The following ABHD12 variants were observed in gnomAD, a reference collection of about 807,000 sequenced individuals.
ABHD12 encodes the protein lysophosphatidylserine lipase ABHD12.
A neutral mutation model predicts 58.3 loss-of-function variants in ABHD12; 43 were observed. The observed-to-expected ratio is 0.74, with a 90% CI of 0.58 to 0.95. The LOEUF (loss-of-function observed/expected upper bound fraction) is 0.95. Ranked by LOEUF, ABHD12 falls within the 40% of genes least tolerant of loss-of-function variation. The pLI is 0.00. For synonymous variants in ABHD12, 219 were observed against 211.2 expected, an observed-to-expected ratio of 1.04 and a Z score of -0.32; for missense variants, 539 against 537.2, an observed-to-expected ratio of 1.00 and a Z score of -0.03.
chr20:25,295,342 G>T (rs2088524781), downstream of ABHD12, among the ~76,000 whole-genome samples: 1 of 152,264 alleles, frequency 6.6e-6, no homozygotes, highest in African/African-American at 2.4e-5. Context: ...CGTTTTAAAT[G>T]CCAGTTTATT....
At chr20:25,360,229 T>C (rs2089727525) in intron 1 of ABHD12, among the ~76,000 whole-genome samples, 1 of 71,340 alleles carries the variant, frequency 1.4e-5, no homozygotes, top group East Asian at 4.7e-4. Context: ...ACACGTTACT[T>C]TTTTTTTTTT....
At position 25,300,350 on chromosome 20, in the gene ABHD12, G is replaced by A. The variant is rs2088612496; in HGVS notation, c.*495C>T. On this transcript the variant is annotated 3_prime_UTR_variant, in exon 13 of 13. Coordinates refer to ENST00000339157, the MANE Select transcript of ABHD12 (RefSeq NM_001042472.3). ...AGTGGGCCAGCCCAGGGGAGGTGGG[G>A]CAGCTGAGAAAGGCAAGCAGGTACA... 9.5e-7 allele frequency: 1 copy of A among 1,053,500 alleles called. No homozygotes were observed. Among genetic ancestry groups the A allele is most frequent in the African/African-American group, 1.7e-5 (1 of 60,152 alleles). The allele number at this position is 1,053,500 out of a possible 1,614,324, so 65.3% of individuals were successfully genotyped here. A position where few individuals can be genotyped will look rare whatever the true frequency, so the allele number is the denominator to read the frequency against.
chr20:25,378,472 G>C (rs767962719), intron 1 of ABHD12, among the ~76,000 whole-genome samples: 32 of 152,160 alleles, frequency 2.1e-4, no homozygotes, highest in Admixed American at 3.3e-4. Context: ...AGTGGCAAAG[G>C]TCAAGGATGA....
chr20:25,352,620 T>G (rs1185095035), intron 1 of ABHD12, among the ~76,000 whole-genome samples: 1 of 152,196 alleles, frequency 6.6e-6, no homozygotes, highest in Non-Finnish European at 1.5e-5. Flanking sequence ...AGTGATAGGC[T>G]AAATGAAGGG....
At chr20:25,368,597 G>C in intron 1 of ABHD12, 1 of 1,395,698 alleles carries the variant, frequency 7.2e-7, no homozygotes, top group Non-Finnish European at 1.0e-6. Context: ...ATAAACCCTG[G>C]AATAATTCTG....
chr20:25,302,860 G>A (rs893051140), intron 11 of ABHD12, among the ~76,000 whole-genome samples: 5 of 152,168 alleles, frequency 3.3e-5, no homozygotes, highest in Non-Finnish European at 5.9e-5. Context: ...CTGCATGGGG[G>A]CTGTCAGAGC....
chr20:25,382,199 T>G (rs1328229246), intron 1 of ABHD12, among the ~76,000 whole-genome samples: 3 of 152,180 alleles, frequency 2.0e-5, no homozygotes, highest in Non-Finnish European at 4.4e-5. Context: ...AAGGCTATCC[T>G]CTGAAGCAGT....
intron 1 of ABHD12, among the ~76,000 whole-genome samples, chr20:25,373,894 C>T (rs1426908950): frequency 6.6e-6 from 1 of 152,064 alleles, no homozygotes; most frequent in African/African-American, 2.4e-5. Context: ...GTATAATAGG[C>T]TACCTGAAGT....
chr20:25,380,874 A>G (rs1282459746), intron 1 of ABHD12, among the ~76,000 whole-genome samples: 4 of 152,142 alleles, frequency 2.6e-5, no homozygotes, highest in African/African-American at 7.2e-5. Context: ...AGGCACCTCA[A>G]TATGTCCAAA....
downstream of ABHD12, among the ~76,000 whole-genome samples, chr20:25,298,265 T>C (rs1384244583): frequency 8.3e-6 from 1 of 120,574 alleles, no homozygotes; most frequent in Non-Finnish European, 1.8e-5. Flanking sequence ...GAACGGCTAG[T>C]TTTGTTTTTT....
At chr20:25,390,264 G>A (rs2090151824) in intron 1 of ABHD12, 1 of 374,096 alleles carries the variant, frequency 2.7e-6, no homozygotes, top group Non-Finnish European at 4.7e-6. Context: ...TGCCTGGCGA[G>A]AGGGCCGGAG....
intron 1 of ABHD12, among the ~76,000 whole-genome samples, chr20:25,361,957 AACAC>A (rs913702956): frequency 6.6e-6 from 1 of 151,000 alleles, no homozygotes; most frequent in Non-Finnish European, 1.5e-5. Flanking sequence ...TCCGTCTCAA[AACAC>A]ACACACACAA....
chr20:25,377,890 G>A (rs1376205071), intron 1 of ABHD12, among the ~76,000 whole-genome samples: 4 of 152,134 alleles, frequency 2.6e-5, no homozygotes, highest in Non-Finnish European at 5.9e-5. Context: ...GATAGACGGG[G>A]TTTCACCATG....
rs1249003471 is a variant in ABHD12 at position 25,316,647 on chromosome 20, A to AT, written c.573+400dup. 2.0e-5 allele frequency among the ~76,000 whole-genome samples: 3 copies of AT among 152,200 alleles called. No homozygotes were observed. In the East Asian group the frequency reaches 5.8e-4, roughly 29 times the overall value. On this transcript the variant is annotated intron_variant, in intron 5 of 12. Coordinates refer to ENST00000339157, the MANE Select transcript of ABHD12 (RefSeq NM_001042472.3). The stretch of plus-strand genomic sequence containing the variant: ...CAAGGCCCTACCTTCCAGCACGCCC[A>AT]TCCAAAGGCAGTGTTAAAAAGCTCA...
chr20:25,389,455 G>A (rs2090139623), intron 1 of ABHD12, among the ~76,000 whole-genome samples: 2 of 152,040 alleles, frequency 1.3e-5, no homozygotes, highest in African/African-American at 4.8e-5. Context: ...CATTCCAGAT[G>A]GTCAAAAAAG....
At chr20:25,306,180 C>A (rs993287112) in intron 10 of ABHD12, among the ~76,000 whole-genome samples, 271 of 137,354 alleles carry the variant, frequency 2.0e-3, no homozygotes, top group African/African-American at 4.3e-3. Flanking sequence ...AAAACAAAAA[C>A]AAAAAAAAAA....
At chr20:25,324,394 A>G (rs2089137783) in intron 2 of ABHD12, among the ~76,000 whole-genome samples, 1 of 152,220 alleles carries the variant, frequency 6.6e-6, no homozygotes, top group African/African-American at 2.4e-5. Context: ...TTGTAGTCTT[A>G]CTGCTTTTGG....
intron 2 of ABHD12, among the ~76,000 whole-genome samples, chr20:25,333,402 T>A (rs1010960720): frequency 8.1e-6 from 1 of 123,588 alleles, no homozygotes; most frequent in African/African-American, 2.7e-5. Context: ...GTACCATTCC[T>A]TCTGAAACTA....
At chr20:25,387,378 T>A (rs2090105107) in intron 1 of ABHD12, among the ~76,000 whole-genome samples, 1 of 151,712 alleles carries the variant, frequency 6.6e-6, no homozygotes, top group Non-Finnish European at 1.5e-5. Flanking sequence ...CTGGCCAACA[T>A]GGTGAAACCC....
Sources: allele counts gnomAD v4.1 joint callset (sites outside exome capture counted in the v4.1 genomes callset), GRCh38; gene constraint gnomAD v4.1.1; transcripts MANE v1.5; gene names NCBI Gene and HGNC (gene_info 2026-07-23, HGNC 2026-07-21).